ARMC12: variants seen among roughly 807,000 people sequenced by gnomAD.
The protein encoded by ARMC12 is armadillo repeat containing 12, also known as armadillo repeat-containing protein 12.
In ARMC12, 25 loss-of-function variants were observed where a neutral mutation model predicts 37.4. The observed-to-expected ratio is 0.67, with a 90% CI of 0.49 to 0.93. The LOEUF (loss-of-function observed/expected upper bound fraction) is 0.93. Among genes scored for constraint, ARMC12 ranks in the 40% least tolerant of loss-of-function variants. The pLI is 0.00. For synonymous variants in ARMC12, 167 were observed against 176.1 expected, an observed-to-expected ratio of 0.95 and a Z score of 0.41; for missense variants, 384 against 426.6, an observed-to-expected ratio of 0.90 and a Z score of 0.88.
upstream of ARMC12, among the ~76,000 whole-genome samples, chr6:35,736,294 G>A (rs1253459728): frequency 6.6e-6 from 1 of 152,214 alleles, no homozygotes; most frequent in Non-Finnish European, 1.5e-5. Flanking sequence ...CTCTGATGCG[G>A]GGAGGGAACC....
chr6:35,737,663 T>A (rs1767011956), intron 1 of ARMC12, among the ~76,000 whole-genome samples: 1 of 152,184 alleles, frequency 6.6e-6, no homozygotes, highest in African/African-American at 2.4e-5. Context: ...CTAGTCCACA[T>A]GTTCTTTTGT....
upstream of ARMC12, chr6:35,736,815 G>T: frequency 2.4e-6 from 1 of 419,338 alleles, no homozygotes; most frequent in South Asian, 2.5e-5. Context: ...TCACCATATT[G>T]GCCAGGCTGG....
intron 3 of ARMC12, among the ~76,000 whole-genome samples, chr6:35,744,982 A>C (rs1767293542): frequency 6.6e-6 from 1 of 152,254 alleles, no homozygotes; most frequent in South Asian, 2.1e-4. Flanking sequence ...AAATGCTGGC[A>C]AAGATATAGA....
intron 3 of ARMC12, among the ~76,000 whole-genome samples, chr6:35,742,496 CAAAAAAAAA>C (rs760070963): frequency 2.3e-5 from 1 of 43,432 alleles, no homozygotes; most frequent in African/African-American, 8.6e-5. Flanking sequence ...GACTCTGTCT[CAAAAAAAAA>C]AAAAAAAAAA....
chr6:35,739,048 G>GT (rs142623745), intron 3 of ARMC12, among the ~76,000 whole-genome samples: 7,742 of 152,012 alleles, frequency 0.051, 196 homozygotes, highest in East Asian at 0.06. Flanking sequence ...ACTATTACTG[G>GT]TTTTTTATAT....
upstream of ARMC12, among the ~76,000 whole-genome samples, chr6:35,734,228 C>G (rs572014442): frequency 6.6e-6 from 1 of 152,136 alleles, no homozygotes; most frequent in African/African-American, 2.4e-5. Flanking sequence ...GGCATGATCT[C>G]GGCTCACTGC....
At chr6:35,746,749 G>A (rs962428470) in intron 3 of ARMC12, among the ~76,000 whole-genome samples, 3 of 152,088 alleles carry the variant, frequency 2.0e-5, no homozygotes, top group South Asian at 4.1e-4. Context: ...TTTTTGGCCC[G>A]AGCCACTGGA....
intron 3 of ARMC12, 23 bp downstream of exon 3, chr6:35,738,541 G>A (rs1028833691): frequency 9.3e-6 from 15 of 1,613,436 alleles, no homozygotes; most frequent in African/African-American, 8.0e-5. Context: ...ATGCGTGGTG[G>A]GGCATGCAGG....
At chr6:35,732,664 G>A (rs996597610), upstream of ARMC12, among the ~76,000 whole-genome samples, 9 of 152,230 alleles carry the variant, frequency 5.9e-5, no homozygotes, top group Admixed American at 3.9e-4. Flanking sequence ...TCATTAACTA[G>A]GCTTAAACAA....
intron 2 of ARMC12, 83 bp from the exon 3 acceptor site, chr6:35,738,301 C>T (rs1021078214): frequency 2.9e-5 from 38 of 1,332,318 alleles, no homozygotes; most frequent in African/African-American, 1.1e-4. Flanking sequence ...GGGGGGTGTG[C>T]GGAGGGATCT....
chr6:35,738,283 C>CGGAGG, intron 2 of ARMC12, 101 bp from the exon 3 acceptor site: 1 of 572,476 alleles, frequency 1.7e-6, no homozygotes, highest in East Asian at 4.2e-5. Context: ...TGGCTGATAG[C>CGGAGG]GGTGGGGGGG....
intron 5 of ARMC12, among the ~76,000 whole-genome samples, chr6:35,748,270 C>T (rs1361491911): frequency 6.6e-6 from 1 of 152,246 alleles, no homozygotes; most frequent in Non-Finnish European, 1.5e-5. Context: ...AGCACACACA[C>T]AATACTTAAG....
At chr6:35,747,681 C>G in intron 5 of ARMC12, 34 bp downstream of exon 5, 1 of 1,596,244 alleles carries the variant, frequency 6.3e-7, no homozygotes, top group Non-Finnish European at 8.6e-7. Flanking sequence ...CTGATGAATG[C>G]CAACTCAGGT....
At chr6:35,748,360 A>G (rs1264665763) in intron 5 of ARMC12, among the ~76,000 whole-genome samples, 178 bp from the exon 6 acceptor site, 1 of 152,228 alleles carries the variant, frequency 6.6e-6, no homozygotes, top group Non-Finnish European at 1.5e-5. Flanking sequence ...CTCATGTTTT[A>G]TGATCACAAG....
upstream of ARMC12, chr6:35,733,913 G>A (rs781200246): frequency 1.3e-5 from 2 of 152,270 alleles, no homozygotes. Flanking sequence ...AGATGGCAAA[G>A]AGGTGTGTGC....
At chr6:35,737,372 C>A (rs151307474) in intron 1 of ARMC12, 101 bp downstream of exon 1, 121 of 1,613,318 alleles carry the variant, frequency 7.5e-5, no homozygotes, top group Non-Finnish European at 9.7e-5. Context: ...CCAAGTTCCT[C>A]TTTCCTTTGT....
chr6:35,734,612 G>A (rs1272575019), upstream of ARMC12, among the ~76,000 whole-genome samples: 1 of 151,998 alleles, frequency 6.6e-6, no homozygotes, highest in East Asian at 1.9e-4. Flanking sequence ...ACCAGACTGG[G>A]CAACATGGCA....
intron 5 of ARMC12, 116 bp from the exon 6 acceptor site, chr6:35,748,422 A>C: frequency 3.8e-6 from 3 of 791,000 alleles, no homozygotes; most frequent in Non-Finnish European, 5.4e-6. Context: ...ATTACTATAT[A>C]CTCGAGTCTG....
intron 3 of ARMC12, among the ~76,000 whole-genome samples, chr6:35,741,921 G>A (rs575287625): frequency 7.2e-5 from 11 of 152,134 alleles, no homozygotes; most frequent in African/African-American, 1.4e-4. Flanking sequence ...GCAGTGGTAC[G>A]ATCTTGGCTT....
Sources: gnomAD v4.1 joint callset for allele counts (sites outside exome capture counted in the v4.1 genomes callset) on GRCh38, gnomAD v4.1.1 for gene constraint, MANE v1.5 for transcripts, NCBI Gene and HGNC (gene_info 2026-07-23, HGNC 2026-07-21) for gene names.